The following RANBP1 variants were observed in gnomAD, a reference collection of about 807,000 sequenced individuals.
RANBP1 encodes the protein RAN binding protein 1, also known as ran-specific GTPase-activating protein.
Under a neutral mutation model 31.4 loss-of-function variants are expected in RANBP1, and 16 were observed. The ratio of observed to expected loss-of-function variants is 0.51; its 90% CI spans 0.34 to 0.77. The LOEUF (loss-of-function observed/expected upper bound fraction) is 0.77, where lower values mean the gene tolerates loss of function less well. Among genes scored for constraint, RANBP1 ranks in the 30% least tolerant of loss-of-function variants. RANBP1 has a pLI of 0.01. For synonymous variants in RANBP1, 129 were observed against 140.5 expected (o/e 0.92, Z 0.58); for missense variants, 265 against 362.0 (o/e 0.73, Z 2.17).
In RANBP1 at chr22:20,126,379, G is replaced by A. The variant is rs747689511; in HGVS notation, c.736+11G>A. ...AGAGAGAAAAGAAAGGTGACGTGGT[G>A]CCATGGGTTGGGGGGCTTCTTTGCA... On this transcript the variant is annotated intron_variant, in intron 5 of 5. Transcript: ENST00000430524. The A allele has an allele frequency of 2.5e-6, 4 of 1,614,006 alleles. No homozygotes were observed. Among genetic ancestry groups the A allele is most frequent in the Middle Eastern group, 1.6e-4 (1 of 6,062 alleles).
intron 2 of RANBP1, among the ~76,000 whole-genome samples, chr22:20,119,814 C>A (rs754991295): frequency 6.6e-6 from 1 of 152,182 alleles, no homozygotes; most frequent in Admixed American, 6.5e-5. Flanking sequence ...CGCGCCCGGC[C>A]CACCCTTAAT....
intron 1 of RANBP1, chr22:20,116,963 C>T (rs2050046030): frequency 6.4e-7 from 1 of 1,560,256 alleles, no homozygotes; most frequent in Non-Finnish European, 8.7e-7. Context: ...CTGGCCACCT[C>T]GTCCTGGGCC....
At chr22:20,116,663 T>C in intron 1 of RANBP1, 6 of 1,506,958 alleles carry the variant, frequency 4.0e-6, no homozygotes, top group Non-Finnish European at 5.3e-6. Flanking sequence ...CCTGGGGGCC[T>C]GGCCCCCCAA....
Position 20,119,153 on chromosome 22 carries a change from A to C in RANBP1, c.383+4A>C. 6.2e-7 allele frequency: 1 copy of C among 1,611,768 alleles called. No homozygotes were observed. The highest frequency in any genetic ancestry group is 1.1e-5 in the South Asian group (1 of 91,036). On this transcript the variant is annotated splice_donor_region_variant and intron_variant, in intron 2 of 5. Coordinates refer to ENST00000430524, the MANE Select transcript of RANBP1 (RefSeq NM_001278639.2). Reference sequence around the variant, plus strand: ...ATGAAGAGGAACTTTTTAAAATGTAAGTAGGCTGATGTCCCAGAAATAGGA... The same window carrying C: ...ATGAAGAGGAACTTTTTAAAATGTACGTAGGCTGATGTCCCAGAAATAGGA...
intron 2 of RANBP1, 136 bp downstream of exon 2, chr22:20,119,285 C>T: frequency 1.2e-6 from 1 of 809,282 alleles, no homozygotes; most frequent in Non-Finnish European, 2.0e-6. Context: ...TGACTAATCC[C>T]ATGTGGAAAT....
At chr22:20,122,687 C>A in intron 3 of RANBP1, 2 of 1,363,128 alleles carry the variant, frequency 1.5e-6, no homozygotes, top group Non-Finnish European at 1.9e-6. Flanking sequence ...AGGCTGGGCT[C>A]GGGACGAGGA....
In RANBP1 at chr22:20,125,337, G is replaced by C; in HGVS notation, c.571G>C (p.Ala191Pro). The change falls in exon 4 of 6, where the codon GCA becomes CCA. Residue 191 changes from alanine (A) to proline (P), a missense_variant. Physicochemically the swap from Ala to Pro is conservative, Grantham distance 27. Transcript: ENST00000430524. ...GCCGATGATGGAGCTGAAGCCCAAC[G>C]CAGGTAGCGACCGTGCCTGGGTCTG... The part of the protein sequence containing the change: ...ITPMMELKPN[A>P]GSDRAWVWNT... 6.2e-7 allele frequency: 1 copy of C among 1,611,616 alleles called. No individual in the cohort carries two copies. Among genetic ancestry groups the C allele is most frequent in the South Asian group, 1.1e-5 (1 of 90,988 alleles).
intron 2 of RANBP1, among the ~76,000 whole-genome samples, chr22:20,119,709 G>A (rs1216813445): frequency 6.6e-6 from 1 of 152,128 alleles, no homozygotes; most frequent in Non-Finnish European, 1.5e-5. Context: ...TAGAGACGGA[G>A]TTTCACCGTA....
Position 20,127,173 on chromosome 22 carries a change from A to G in RANBP1, c.*121A>G. ...TTTTACAAGGGACGTTATATAAAGA[A>G]CTGAACTCAACATTCAGGTTGTTTT... On this transcript the variant is annotated 3_prime_UTR_variant, in exon 6 of 6. Coordinates refer to ENST00000430524, the MANE Select transcript of RANBP1 (RefSeq NM_001278639.2). 1 of 759,662 alleles carries G rather than the reference A, an allele frequency of 1.3e-6. No individual in the cohort carries two copies. Among genetic ancestry groups the G allele is most frequent in the Non-Finnish European group, 2.0e-6 (1 of 506,136 alleles). The allele number at this position is 759,662 out of a possible 1,614,324, so 47.1% of individuals were successfully genotyped here.
chr22:20,116,747 C>T (rs2050036869), intron 1 of RANBP1: 2 of 1,392,226 alleles, frequency 1.4e-6, no homozygotes, highest in Non-Finnish European at 9.8e-7. Flanking sequence ...AGTCTACCCT[C>T]CCGACCCCAT....
intron 1 of RANBP1, chr22:20,118,425 C>G: frequency 3.4e-6 from 3 of 889,574 alleles, no homozygotes; most frequent in Non-Finnish European, 4.1e-6. Context: ...TAGTTATTAA[C>G]TTAGTTTTCT....
chr22:20,118,630 A>G (rs1395167412), intron 1 of RANBP1, among the ~76,000 whole-genome samples: 3 of 152,264 alleles, frequency 2.0e-5, no homozygotes, highest in African/African-American at 4.8e-5. Flanking sequence ...ATCTTCACAC[A>G]GCAGGTATCA....
At chr22:20,117,606 A>G (rs1376169860) in intron 1 of RANBP1, 8 of 1,267,320 alleles carry the variant, frequency 6.3e-6, no homozygotes, top group Non-Finnish European at 8.1e-6. Flanking sequence ...CCGCGGAGCC[A>G]GCGACGACCG....
intron 1 of RANBP1, chr22:20,117,162 G>C (rs1212600742): frequency 1.8e-6 from 1 of 557,922 alleles, no homozygotes; most frequent in Non-Finnish European, 3.0e-6. Context: ...GGCCCGCGCC[G>C]GCCGCTCGCT....
At chr22:20,117,626 A>AGCCGCC (rs750187557) in intron 1 of RANBP1, 9 of 1,117,710 alleles carry the variant, frequency 8.1e-6, no homozygotes, top group African/African-American at 7.2e-5. Flanking sequence ...GACCCAGCCG[A>AGCCGCC]GCCGCCGCCG....
At chr22:20,125,761 T>C in intron 4 of RANBP1, 1 of 978,870 alleles carries the variant, frequency 1.0e-6, no homozygotes, top group Non-Finnish European at 1.4e-6. Context: ...AACCCAGGGC[T>C]TCCTCCCAGT....
intron 2 of RANBP1, among the ~76,000 whole-genome samples, chr22:20,120,638 C>T (rs955409031): frequency 1.3e-5 from 2 of 152,196 alleles, no homozygotes; most frequent in Non-Finnish European, 1.5e-5. Context: ...ATTCTGGGTG[C>T]CCTGGTCCCC....
At position 20,116,228 on chromosome 22, in the gene RANBP1, G is replaced by T. The variant is rs147321971; in HGVS notation, c.44G>T (p.Arg15Leu). The stretch of plus-strand genomic sequence containing the variant: ...CGGGCCAGGCGCACACTGAGTGGGC[G>T]GCCTTTCCAGAGGGCACCATGCAAA... Reference protein sequence around the residue: ...LGRARRTLSGRPFQRAPCKTR... With the variant: ...LGRARRTLSGLPFQRAPCKTR... Residue 15 changes from arginine to leucine, a missense_variant, in exon 1 of 6, where the codon CGG becomes CTG. Arg to Leu is a moderately radical substitution (Grantham distance 102). Coordinates refer to ENST00000430524, the MANE Select transcript of RANBP1 (RefSeq NM_001278639.2). 2 of 1,612,976 alleles carry T rather than the reference G, an allele frequency of 1.2e-6. No homozygotes were observed. The highest frequency in any genetic ancestry group is 1.7e-6 in the Non-Finnish European group (2 of 1,180,016).
At chr22:20,123,856 C>T (rs2050241263) in intron 3 of RANBP1, among the ~76,000 whole-genome samples, 1 of 152,048 alleles carries the variant, frequency 6.6e-6, no homozygotes, top group African/African-American at 2.4e-5. Flanking sequence ...TGGGGTGTCC[C>T]TTGGTAAGCT....
Sources: gnomAD v4.1 joint callset for allele counts (sites outside exome capture counted in the v4.1 genomes callset) on GRCh38, gnomAD v4.1.1 for gene constraint, MANE v1.5 for transcripts, NCBI Gene and HGNC (gene_info 2026-07-23, HGNC 2026-07-21) for gene names.